The following DACH2 variants were observed in gnomAD, a reference collection of about 807,000 sequenced individuals.
The protein encoded by DACH2 is dachshund family transcription factor 2.
Under a neutral mutation model 35.8 loss-of-function variants are expected in DACH2, and 17 were observed. The observed-to-expected ratio is 0.48, with a 90% CI of 0.33 to 0.71. The LOEUF (loss-of-function observed/expected upper bound fraction) is 0.71. Ranked by LOEUF, DACH2 falls within the 30% of genes least tolerant of loss-of-function variation. DACH2 has a pLI of 0.02. For missense variants in DACH2, 469 were observed against 472.7 expected (o/e 0.99, Z 0.07); for synonymous variants, 195 against 177.3 (o/e 1.10, Z -0.79).
intron 2 of DACH2, among the ~76,000 whole-genome samples, chrX:86,487,991 A>G (rs759093269): frequency 1.6e-4 from 18 of 111,342 alleles, no homozygotes; most frequent in African/African-American, 5.5e-4. Flanking sequence ...TGGGGACAAT[A>G]AAGTCTACTT....
In DACH2 at chrX:86,514,372, A is replaced by G; in HGVS notation, c.621A>G (p.Pro207=). Residue 207 remains proline, a synonymous_variant, in exon 3 of 12, where the codon CCA becomes CCG. Coordinates refer to ENST00000373125, the MANE Select transcript of DACH2 (RefSeq NM_053281.3). ...ATGCAGTCCCAGGCCTCTTATCGCC[A>G]GGACTTATCACTCCGACAGGTAATA... ...LTHAVPGLLS[P]GLITPTGITA... 2 of 1,209,719 alleles carry G rather than the reference A, an allele frequency of 1.7e-6. No individual in the cohort carries two copies. The highest frequency in any genetic ancestry group is 2.2e-6 in the Non-Finnish European group (2 of 894,395).
At chrX:86,185,348 C>T (rs2031650933) in intron 1 of DACH2, among the ~76,000 whole-genome samples, 1 of 111,814 alleles carries the variant, frequency 8.9e-6, no homozygotes, top group Non-Finnish European at 1.9e-5. Context: ...TAGCTTTGCT[C>T]AGTTCTCTTA....
intron 1 of DACH2, among the ~76,000 whole-genome samples, chrX:86,359,160 T>C (rs1252732807): frequency 3.7e-5 from 4 of 109,418 alleles, no homozygotes; most frequent in African/African-American, 1.3e-4. Context: ...CTTTAATTTC[T>C]TACAGGTAAT....
intron 7 of DACH2, chrX:86,798,925 A>G (rs2042265108): frequency 5.8e-6 from 1 of 171,555 alleles, no homozygotes; most frequent in Non-Finnish European, 1.1e-5. Flanking sequence ...TGACTGGAAC[A>G]TCTTAGGCTA....
intron 5 of DACH2, among the ~76,000 whole-genome samples, chrX:86,705,091 A>G (rs1407389113): frequency 1.0e-5 from 1 of 97,809 alleles, no homozygotes; most frequent in Non-Finnish European, 1.9e-5. Flanking sequence ...TGAGATATAT[A>G]TAATGGAATA....
At chrX:86,618,333 C>T (rs748669417) in intron 3 of DACH2, among the ~76,000 whole-genome samples, 3 of 111,878 alleles carry the variant, frequency 2.7e-5, no homozygotes, top group African/African-American at 9.7e-5. Context: ...TTTGGTGATT[C>T]AGTGCAAAAT....
intron 1 of DACH2, among the ~76,000 whole-genome samples, chrX:86,289,578 C>G (rs1438219202): frequency 0.015 from 1,074 of 71,130 alleles, 38 homozygotes; most frequent in African/African-American, 0.054. Flanking sequence ...CCCCTCCCCC[C>G]ACCCCACAAC....
At chrX:86,527,163 G>A (rs187136626) in intron 3 of DACH2, among the ~76,000 whole-genome samples, 166 of 111,283 alleles carry the variant, frequency 1.5e-3, no homozygotes, top group African/African-American at 4.8e-3. Context: ...TATTTGAGAA[G>A]ACTAAGGTCC....
At chrX:86,185,941 G>C (rs912137396) in intron 1 of DACH2, among the ~76,000 whole-genome samples, 1 of 112,105 alleles carries the variant, frequency 8.9e-6, no homozygotes, top group African/African-American at 3.2e-5. Flanking sequence ...TTAATGCCCA[G>C]ACACTGTAGC....
chrX:86,553,610 A>G (rs1165287191), intron 3 of DACH2, among the ~76,000 whole-genome samples: 2 of 112,140 alleles, frequency 1.8e-5, no homozygotes. Context: ...ACAGAGAGAA[A>G]AAGCATAAAT....
chrX:86,714,225 G>T (rs951804442), intron 5 of DACH2, among the ~76,000 whole-genome samples: 3 of 111,771 alleles, frequency 2.7e-5, no homozygotes, highest in African/African-American at 9.7e-5. Flanking sequence ...TGATTAAGAA[G>T]AAAGTTCTTA....
At chrX:86,565,402 A>G (rs370476828) in intron 3 of DACH2, among the ~76,000 whole-genome samples, 1 of 111,530 alleles carries the variant, frequency 9.0e-6, no homozygotes, top group East Asian at 2.8e-4. Flanking sequence ...CATTAGCATT[A>G]CTTGGGTACA....
chrX:86,670,158 A>T (rs1417638993), intron 4 of DACH2, among the ~76,000 whole-genome samples: 1 of 111,325 alleles, frequency 9.0e-6, no homozygotes, highest in African/African-American at 3.3e-5. Context: ...TTTTATGTTC[A>T]TTAGTCTAGA....
chrX:86,467,447 A>C (rs1223511589), intron 2 of DACH2, among the ~76,000 whole-genome samples: 1 of 111,708 alleles, frequency 9.0e-6, no homozygotes, highest in Non-Finnish European at 1.9e-5. Context: ...CCATTCAACA[A>C]GTCTCTAGGA....
intron 1 of DACH2, among the ~76,000 whole-genome samples, chrX:86,329,877 G>A (rs1179973993): frequency 8.9e-6 from 1 of 111,806 alleles, no homozygotes; most frequent in Non-Finnish European, 1.9e-5. Flanking sequence ...TATTTATAGT[G>A]TTGTTGATGT....
intron 3 of DACH2, among the ~76,000 whole-genome samples, chrX:86,542,398 C>A (rs971395142): frequency 2.7e-5 from 3 of 111,050 alleles, no homozygotes; most frequent in Non-Finnish European, 3.8e-5. Flanking sequence ...CAAATTAGTT[C>A]TTGTGGGAAT....
intron 6 of DACH2, among the ~76,000 whole-genome samples, chrX:86,739,000 A>G (rs1238886186): frequency 1.8e-5 from 2 of 110,791 alleles, no homozygotes; most frequent in African/African-American, 6.6e-5. Flanking sequence ...AGCCTCCCCA[A>G]TAGCTGGGAT....
chrX:86,635,609 A>G (rs949770537), intron 3 of DACH2, among the ~76,000 whole-genome samples: 3 of 111,704 alleles, frequency 2.7e-5, no homozygotes, highest in Admixed American at 1.9e-4. Context: ...TGCAGATGAC[A>G]TGATCCTATA....
At chrX:86,331,987 G>T (rs955280476) in intron 1 of DACH2, among the ~76,000 whole-genome samples, 1 of 111,615 alleles carries the variant, frequency 9.0e-6, no homozygotes, top group South Asian at 3.7e-4. Context: ...CACCGACATG[G>T]AGTTTTCTGA....
Sources: allele counts gnomAD v4.1 joint callset (sites outside exome capture counted in the v4.1 genomes callset), GRCh38; gene constraint gnomAD v4.1.1; transcripts MANE v1.5; gene names NCBI Gene and HGNC (gene_info 2026-07-23, HGNC 2026-07-21).